Variants in GPR89B observed in about 807,000 individuals in gnomAD.
GPR89B encodes the protein golgi pH regulator B, also known as G protein-coupled receptor 89B.
GPR89B carries 25 observed loss-of-function variants against 52.4 expected under a neutral mutation model. The ratio of observed to expected loss-of-function variants is 0.48; its 90% confidence interval spans 0.35 to 0.67. The LOEUF (loss-of-function observed/expected upper bound fraction) is 0.67, where lower values mean the gene tolerates loss of function less well. GPR89B is among the 30% of genes least tolerant of loss of function. The pLI, the probability that GPR89B is intolerant of heterozygous loss-of-function variation, is 0.01. For missense variants in GPR89B, 146 were observed against 450.2 expected (o/e 0.32, Z 6.11); for synonymous variants, 52 against 151.2 (o/e 0.34, Z 4.81).
chr1:147,962,705 C>T (rs1406706185), intron 7 of GPR89B, among the ~76,000 whole-genome samples: 27 of 151,470 alleles, frequency 1.8e-4, no homozygotes, highest in Non-Finnish European at 2.9e-4. Flanking sequence ...AAGACTAGAC[C>T]GGTGAACATG....
intron 11 of GPR89B, among the ~76,000 whole-genome samples, chr1:147,986,549 T>C (rs1193510884): frequency 8.5e-5 from 13 of 152,142 alleles, no homozygotes; most frequent in Non-Finnish European, 1.6e-4. Flanking sequence ...TTGTCACGGA[T>C]GCTGATTATT....
chr1:148,019,612 G>A, the GPR89B span, among the ~76,000 whole-genome samples: 3 of 151,936 alleles, frequency 2.0e-5, no homozygotes, highest in Middle Eastern at 3.2e-3. Context: ...ATGTAAAAAG[G>A]AAAGAAAATA....
chr1:147,930,275 T>A (rs1238225090), intron 1 of GPR89B, among the ~76,000 whole-genome samples: 2 of 152,232 alleles, frequency 1.3e-5, no homozygotes, highest in African/African-American at 4.8e-5. Flanking sequence ...ATGTGGCTAC[T>A]TTATCATCCT....
chr1:147,948,985 G>A (rs1302389614), intron 5 of GPR89B, among the ~76,000 whole-genome samples: 2 of 152,016 alleles, frequency 1.3e-5, no homozygotes, highest in Non-Finnish European at 2.9e-5. Context: ...CTGCCTTCAA[G>A]CATCTGTTTA....
At position 147,993,406 on chromosome 1, in the gene GPR89B, T is replaced by C. The variant is rs1659207895; in HGVS notation, c.*489T>C. On this transcript the variant is annotated 3_prime_UTR_variant, in exon 14 of 14. Coordinates refer to ENST00000314163, the MANE Select transcript of GPR89B (RefSeq NM_016334.5). ...TTTATTATGCTTGTGTGATCTAACA[T>C]GAGTTAGCATCCCACACCTCCTCTT... The C allele has an allele frequency of 4.2e-6, 1 of 238,066 alleles. No individual in the cohort carries two copies. Among genetic ancestry groups the C allele is most frequent in the Admixed American group, 5.2e-5 (1 of 19,200 alleles). The allele number at this position is 238,066 out of a possible 1,614,324, so 14.7% of individuals were successfully genotyped here. A position where few individuals can be genotyped will look rare whatever the true frequency, so the allele number is the denominator to read the frequency against.
intron 5 of GPR89B, among the ~76,000 whole-genome samples, chr1:147,950,107 G>A (rs1655500344): frequency 6.6e-6 from 1 of 151,340 alleles, no homozygotes; most frequent in Non-Finnish European, 1.5e-5. Flanking sequence ...CGGGGTGGCT[G>A]CCGGGCAGAG....
chr1:147,946,669 G>C (rs1375967487), intron 5 of GPR89B, among the ~76,000 whole-genome samples: 1 of 152,130 alleles, frequency 6.6e-6, no homozygotes, highest in Non-Finnish European at 1.5e-5. Flanking sequence ...CCTTTCTCCA[G>C]CTTTCTCCTG....
chr1:147,980,496 C>T (rs1172259210), intron 10 of GPR89B, among the ~76,000 whole-genome samples: 1 of 124,992 alleles, frequency 8.0e-6, no homozygotes, highest in East Asian at 2.3e-4. Context: ...TTCTTACTAT[C>T]CTTTTAATAT....
intron 3 of GPR89B, among the ~76,000 whole-genome samples, chr1:147,942,559 C>A (rs1472086695): frequency 2.0e-5 from 3 of 151,986 alleles, no homozygotes; most frequent in Non-Finnish European, 4.4e-5. Flanking sequence ...TCCAAATGTC[C>A]TCAATTAATG....
chr1:147,940,598 T>G (rs1236253276), intron 3 of GPR89B, among the ~76,000 whole-genome samples: 1 of 152,148 alleles, frequency 6.6e-6, no homozygotes, highest in Non-Finnish European at 1.5e-5. Context: ...TAGTAAATAT[T>G]TTAGGTTTCT....
At chr1:148,018,493 A>T in the GPR89B span, among the ~76,000 whole-genome samples, 1 of 151,418 alleles carries the variant, frequency 6.6e-6, no homozygotes, top group Non-Finnish European at 1.5e-5. Context: ...CACAGAAATC[A>T]TACAATGAGG....
intron 8 of GPR89B, chr1:147,968,533 G>C: frequency 2.5e-6 from 1 of 403,100 alleles, no homozygotes; most frequent in Non-Finnish European, 4.7e-6. Flanking sequence ...CTTTATTATA[G>C]TTATTATTCT....
chr1:147,973,632 G>C (rs1209364569), intron 10 of GPR89B, among the ~76,000 whole-genome samples: 46 of 151,604 alleles, frequency 3.0e-4, no homozygotes, highest in African/African-American at 1.0e-3. Context: ...TGTTCACCCT[G>C]ATGATAGTTT....
chr1:148,017,823 A>G, the GPR89B span, among the ~76,000 whole-genome samples: 1 of 150,902 alleles, frequency 6.6e-6, no homozygotes, highest in Admixed American at 6.6e-5. Context: ...TTCTCCCCAG[A>G]CATCCCTTTA....
intron 7 of GPR89B, among the ~76,000 whole-genome samples, chr1:147,962,845 C>T (rs1182796527): frequency 1.4e-5 from 2 of 147,972 alleles, no homozygotes; most frequent in Non-Finnish European, 3.0e-5. Context: ...TGCAGTGAGC[C>T]GAGATCCGCC....
chr1:147,937,851 A>C (rs1354068364), intron 2 of GPR89B, among the ~76,000 whole-genome samples: 1 of 152,200 alleles, frequency 6.6e-6, no homozygotes, highest in Non-Finnish European at 1.5e-5. Flanking sequence ...GGTGACATAC[A>C]TCCTCAGTTT....
At chr1:147,989,652 A>T (rs1285890432) in intron 12 of GPR89B, among the ~76,000 whole-genome samples, 1 of 152,034 alleles carries the variant, frequency 6.6e-6, no homozygotes, top group South Asian at 2.1e-4. Context: ...TCATTGTTCA[A>T]TTCCCACCTA....
intron 9 of GPR89B, 126 bp from the exon 10 acceptor site, chr1:147,969,741 T>G: frequency 7.0e-7 from 1 of 1,424,412 alleles, no homozygotes; most frequent in Admixed American, 2.4e-5. Context: ...GTTATTAGTT[T>G]AATATTATTG....
At chr1:147,949,977 AC>A (rs1334081211) in intron 5 of GPR89B, among the ~76,000 whole-genome samples, 1 of 124,898 alleles carries the variant, frequency 8.0e-6, no homozygotes, top group Non-Finnish European at 1.7e-5. Context: ...TGTGGGGCTG[AC>A]CCCCCCACCT....
Sources: allele counts gnomAD v4.1 joint callset (sites outside exome capture counted in the v4.1 genomes callset), GRCh38; gene constraint gnomAD v4.1.1; transcripts MANE v1.5; gene names NCBI Gene and HGNC (gene_info 2026-07-23, HGNC 2026-07-21).